Variants in PCDH11X observed in about 807,000 individuals in gnomAD.
The protein encoded by PCDH11X is protocadherin 11 X-linked.
In PCDH11X, 18 loss-of-function variants were observed where a neutral mutation model predicts 53.3. That is an observed-to-expected ratio of 0.34 (90% CI 0.23 to 0.50). PCDH11X has a LOEUF of 0.50. Ranked by LOEUF, PCDH11X falls within the 20% of genes least tolerant of loss-of-function variation. The pLI, the probability that PCDH11X is intolerant of heterozygous loss-of-function variation, is 0.98. For synonymous variants in PCDH11X, 279 were observed against 393.3 expected (o/e 0.71, Z 3.44); for missense variants, 570 against 1,032.4 (o/e 0.55, Z 6.14).
intron 6 of PCDH11X, among the ~76,000 whole-genome samples, chrX:92,029,806 A>T (rs1057307647): frequency 8.9e-6 from 1 of 111,847 alleles, no homozygotes; most frequent in Non-Finnish European, 1.9e-5. Context: ...TTTGAACATA[A>T]TTTTTCATAA....
intron 6 of PCDH11X, among the ~76,000 whole-genome samples, chrX:92,138,763 T>C (rs1449801237): frequency 9.0e-6 from 1 of 111,076 alleles, no homozygotes; most frequent in Non-Finnish European, 1.9e-5. Context: ...GATCCAAATA[T>C]TTAGTTTCAT....
At chrX:92,478,228 CT>C in intron 10 of PCDH11X, among the ~76,000 whole-genome samples, 1 of 111,224 alleles carries the variant, frequency 9.0e-6, no homozygotes, top group East Asian at 2.8e-4. Context: ...AAACTTCTTT[CT>C]TTTAAAAATT....
chrX:92,051,059 C>A (rs989678270), intron 6 of PCDH11X, among the ~76,000 whole-genome samples: 11 of 111,721 alleles, frequency 9.8e-5, no homozygotes, highest in Admixed American at 8.6e-4. Flanking sequence ...TTCTATAAAC[C>A]AAATCATGAG....
chrX:92,388,157 C>A (rs2071050761), intron 9 of PCDH11X, among the ~76,000 whole-genome samples: 1 of 111,002 alleles, frequency 9.0e-6, no homozygotes, highest in African/African-American at 3.3e-5. Flanking sequence ...ATTATAGCGA[C>A]TTTGTTAAGG....
chrX:92,231,053 A>G lies in PCDH11X; in HGVS notation c.3114+29598A>G, dbSNP rs762973764. ...CAATTCTTCACCAACATCTGCGAGTATGGAGAGCAAAGACAGCAGCTTGAG... is the reference window on the plus strand; with the variant it reads ...CAATTCTTCACCAACATCTGCGAGTGTGGAGAGCAAAGACAGCAGCTTGAG... On this transcript the variant is annotated intron_variant, in intron 7 of 10. Transcript: ENST00000682573. Among the ~76,000 whole-genome samples, 7 of 111,731 alleles carry G rather than the reference A, an allele frequency of 6.3e-5. No homozygotes were observed. In the South Asian group the frequency reaches 2.2e-3, roughly 36 times the overall value.
At chrX:92,568,379 G>A (rs1367806721) in intron 10 of PCDH11X, among the ~76,000 whole-genome samples, 22 of 108,029 alleles carry the variant, frequency 2.0e-4, no homozygotes, top group Admixed American at 1.7e-3. Flanking sequence ...CCGAGATGGC[G>A]CCACTGCATT....
chrX:92,234,516 A>G (rs945975422), intron 7 of PCDH11X, among the ~76,000 whole-genome samples: 2 of 112,203 alleles, frequency 1.8e-5, no homozygotes, highest in Non-Finnish European at 1.9e-5. Flanking sequence ...ATGACATTCA[A>G]CAAACCCATT....
At chrX:92,070,175 C>A (rs2063676775) in intron 6 of PCDH11X, among the ~76,000 whole-genome samples, 1 of 111,463 alleles carries the variant, frequency 9.0e-6, no homozygotes, top group Non-Finnish European at 1.9e-5. Context: ...ATAATTTATT[C>A]TTTCTATTTC....
chrX:92,417,152 G>A (rs2071832097), intron 9 of PCDH11X, among the ~76,000 whole-genome samples: 1 of 111,730 alleles, frequency 9.0e-6, no homozygotes, highest in Non-Finnish European at 1.9e-5. Flanking sequence ...TTTGTTAAAA[G>A]AAAGGTAGCA....
chrX:92,543,883 A>G (rs1192959535), intron 10 of PCDH11X, among the ~76,000 whole-genome samples: 1 of 109,418 alleles, frequency 9.1e-6, no homozygotes, highest in Non-Finnish European at 1.9e-5. Context: ...TTATTTTTCA[A>G]ACATGTTAAA....
At chrX:92,171,102 C>A (rs1469553997) in intron 6 of PCDH11X, among the ~76,000 whole-genome samples, 1 of 104,141 alleles carries the variant, frequency 9.6e-6, no homozygotes, top group Non-Finnish European at 2.0e-5. Flanking sequence ...GCTGTGTCGG[C>A]CTAAAAACTT....
At chrX:92,057,786 A>G (rs2063470636) in intron 6 of PCDH11X, among the ~76,000 whole-genome samples, 1 of 103,446 alleles carries the variant, frequency 9.7e-6, no homozygotes, top group Non-Finnish European at 1.9e-5. Flanking sequence ...ATCTTTATAG[A>G]CAAGTAACTT....
intron 8 of PCDH11X, among the ~76,000 whole-genome samples, chrX:92,311,195 A>G (rs1380597917): frequency 3.6e-5 from 4 of 110,191 alleles, no homozygotes; most frequent in African/African-American, 1.3e-4. Flanking sequence ...AACTCACCTC[A>G]TACATAAAAG....
intron 5 of PCDH11X, among the ~76,000 whole-genome samples, chrX:91,868,690 G>A (rs993941024): frequency 4.5e-5 from 5 of 111,565 alleles, no homozygotes; most frequent in Admixed American, 3.8e-4. Context: ...TTATTTTCCT[G>A]ATATTAATAA....
chrX:91,892,190 T>G (rs1162138086), intron 6 of PCDH11X, among the ~76,000 whole-genome samples: 2 of 108,109 alleles, frequency 1.8e-5, no homozygotes, highest in African/African-American at 6.7e-5. Flanking sequence ...CCAACAGCTA[T>G]ATTATGTTGA....
At chrX:92,311,268 A>C (rs1233101896) in intron 8 of PCDH11X, among the ~76,000 whole-genome samples, 1 of 109,636 alleles carries the variant, frequency 9.1e-6, no homozygotes, top group African/African-American at 3.3e-5. Flanking sequence ...CCTTGAATCC[A>C]TTTTGACATA....
At chrX:91,894,177 A>T (rs1343417536) in intron 6 of PCDH11X, among the ~76,000 whole-genome samples, 1 of 112,162 alleles carries the variant, frequency 8.9e-6, no homozygotes, top group Non-Finnish European at 1.9e-5. Context: ...AAGGAAATGA[A>T]CACCATCATG....
At chrX:92,383,196 C>T (rs1409128612) in intron 8 of PCDH11X, among the ~76,000 whole-genome samples, 1 of 110,305 alleles carries the variant, frequency 9.1e-6, no homozygotes, top group Non-Finnish European at 1.9e-5. Flanking sequence ...TCATATGGCC[C>T]ACAAAGCCTA....
At chrX:91,941,192 G>A (rs2061504685) in intron 6 of PCDH11X, among the ~76,000 whole-genome samples, 1 of 110,463 alleles carries the variant, frequency 9.1e-6, no homozygotes, top group Non-Finnish European at 1.9e-5. Context: ...CAAGAAAACG[G>A]GAAAGACATA....
Sources: gnomAD v4.1 joint callset for allele counts (sites outside exome capture counted in the v4.1 genomes callset) on GRCh38, gnomAD v4.1.1 for gene constraint, MANE v1.5 for transcripts, NCBI Gene and HGNC (gene_info 2026-07-23, HGNC 2026-07-21) for gene names.